The following HEATR4 variants were observed in gnomAD, a reference collection of about 807,000 sequenced individuals.
HEATR4 encodes the protein HEAT repeat-containing protein 4.
In HEATR4, 95 loss-of-function variants were observed where a neutral mutation model predicts 108.8. That is an observed-to-expected ratio of 0.87 (90% CI 0.74 to 1.04). HEATR4 has a LOEUF of 1.04. Among genes scored for constraint, HEATR4 ranks in the 50% least tolerant of loss-of-function variants. HEATR4 has a pLI of 0.00. For missense variants in HEATR4, 1,152 were observed against 1,253.8 expected (o/e 0.92, Z 1.23); for synonymous variants, 443 against 459.4 (o/e 0.96, Z 0.46).
Position 73,478,769 on chromosome 14 carries a change from C to G in HEATR4, c.2918G>C (p.Arg973Pro). 2 of 1,613,848 alleles carry G rather than the reference C, an allele frequency of 1.2e-6. No individual in the cohort carries two copies. The highest frequency in any genetic ancestry group is 2.2e-5 in the South Asian group (2 of 91,054). The part of the protein sequence containing the change: ...VPGLTTRSKV[R>P]SSLVKDLRTS... ...GCGTAGATCTTTGACAAGTGATGAA[C>G]GAACTTTGCTTCGTGTGGTTAGGCC... Residue 973 changes from arginine to proline, a missense_variant, in exon 18 of 18, where the codon CGT becomes CCT. Arg to Pro is a moderately radical substitution (Grantham distance 103, BLOSUM62 -2). Transcript: ENST00000553558.
At chr14:73,619,919 C>CTCTT in the HEATR4 span, 1 of 1,174,602 alleles carries the variant, frequency 8.5e-7, no homozygotes, top group Non-Finnish European at 1.1e-6. Flanking sequence ...TTTCTTTTCT[C>CTCTT]TTTTTTTTTT....
chr14:73,627,087 C>G, the HEATR4 span, among the ~76,000 whole-genome samples: 1 of 151,638 alleles, frequency 6.6e-6, no homozygotes, highest in South Asian at 2.1e-4. Flanking sequence ...CCACCATGCC[C>G]AGCCAAAACA....
the HEATR4 span, chr14:73,619,511 A>T: frequency 6.2e-7 from 1 of 1,614,222 alleles, no homozygotes; most frequent in Non-Finnish European, 8.5e-7. Flanking sequence ...CCATTGGAAA[A>T]GGCGCAGGTG....
the HEATR4 span, among the ~76,000 whole-genome samples, chr14:73,615,404 AAAACAAAAAAC>A: frequency 1.8e-4 from 14 of 79,394 alleles, 3 homozygotes; most frequent in Admixed American, 3.7e-4. Flanking sequence ...AAAAAAAAAA[AAAACAAAAAAC>A]AAAAAAAACC....
At position 73,547,627 on chromosome 14, in the gene HEATR4, G is replaced by A. The variant is rs561303411; in HGVS notation, c.-152+11124C>T. ...GGACCAGGCACAGTAGCTCACGCCT[G>A]TAATCCCATCACTTTGGGAGGCCAA... On this transcript the variant is annotated intron_variant, in intron 1 of 17. Coordinates refer to ENST00000553558, the MANE Select transcript of HEATR4 (RefSeq NM_001220484.1). Among the ~76,000 whole-genome samples the A allele has an allele frequency of 2.3e-4, 27 of 116,016 alleles. 7 individuals carry two copies. The highest frequency in any genetic ancestry group is 7.5e-4 in the African/African-American group (27 of 35,832). 76.1% of individuals were successfully genotyped at this position (116,016 alleles called of 152,430 possible). A position where few individuals can be genotyped will look rare whatever the true frequency, so the allele number is the denominator to read the frequency against.
chr14:73,626,779 GACAA>G, the HEATR4 span, among the ~76,000 whole-genome samples: 1 of 129,382 alleles, frequency 7.7e-6, no homozygotes, highest in African/African-American at 2.9e-5. Flanking sequence ...CTAAACAACA[GACAA>G]ACAGCCTTTT....
At chr14:73,527,355 T>C (rs1007910471) in intron 2 of HEATR4, 1 of 151,856 alleles carries the variant, frequency 6.6e-6, no homozygotes, top group Admixed American at 6.6e-5. Context: ...ATGTGACCTT[T>C]CCAGACAGGG....
At chr14:73,622,598 C>G in the HEATR4 span, among the ~76,000 whole-genome samples, 1 of 151,940 alleles carries the variant, frequency 6.6e-6, no homozygotes, top group Non-Finnish European at 1.5e-5. Context: ...AAGGGTTTCT[C>G]CATGTTGGTC....
the HEATR4 span, chr14:73,591,706 T>C: frequency 2.6e-6 from 1 of 390,890 alleles, no homozygotes; most frequent in Non-Finnish European, 4.5e-6. Context: ...ACGGGGTGGG[T>C]TGGGCGCCAC....
the HEATR4 span, among the ~76,000 whole-genome samples, chr14:73,608,361 C>A: frequency 6.6e-6 from 1 of 152,202 alleles, no homozygotes; most frequent in African/African-American, 2.4e-5. Context: ...CAAACTTCCA[C>A]AGATCTCTGG....
At chr14:73,616,260 A>C in the HEATR4 span, among the ~76,000 whole-genome samples, 1 of 151,846 alleles carries the variant, frequency 6.6e-6, no homozygotes, top group Non-Finnish European at 1.5e-5. Context: ...GAACCACCAC[A>C]CCTGGCCTCA....
At chr14:73,589,561 C>G in the HEATR4 span, among the ~76,000 whole-genome samples, 1 of 152,142 alleles carries the variant, frequency 6.6e-6, no homozygotes, top group Admixed American at 6.5e-5. Flanking sequence ...TCAAGCGATC[C>G]GCCCAACTCG....
the HEATR4 span, chr14:73,569,802 G>A: frequency 6.2e-7 from 1 of 1,602,974 alleles, no homozygotes; most frequent in Non-Finnish European, 8.5e-7. Flanking sequence ...GACGCGGCAC[G>A]AGCGCTACTT....
chr14:73,633,288 AGCCACTGCGG>A, the HEATR4 span, among the ~76,000 whole-genome samples: 1 of 152,146 alleles, frequency 6.6e-6, no homozygotes, highest in Non-Finnish European at 1.5e-5. Flanking sequence ...TACAGGCGTG[AGCCACTGCGG>A]GCTGTCCTGT....
intron 1 of HEATR4, among the ~76,000 whole-genome samples, chr14:73,530,794 A>ATTTTTTTTTTT (rs59208614): frequency 3.5e-5 from 2 of 57,788 alleles, no homozygotes; most frequent in African/African-American, 6.7e-5. Flanking sequence ...TCTCGGTTAA[A>ATTTTTTTTTTT]TTTTTTTTTT....
chr14:73,522,382 C>A lies in HEATR4; in HGVS notation c.771G>T (p.Glu257Asp), dbSNP rs1888027388. The A allele has an allele frequency of 6.2e-7, 1 of 1,614,136 alleles. No homozygotes were observed. The highest frequency in any genetic ancestry group is 1.1e-5 in the South Asian group (1 of 91,090). ...RDELTSASDL[E>D]LLKQLEAEET... is the part of the protein sequence containing the mutation. ...CTTCTGCCTCCAGCTGTTTCAGGAG[C>A]TCCAGGTCACTGGCAGAGGTAAGCT... Residue 257 changes from glutamate (E) to aspartate (D), a missense_variant, in exon 3 of 18, where the codon GAG (glutamate) becomes GAT (aspartate). Coordinates refer to ENST00000553558, the MANE Select transcript of HEATR4 (RefSeq NM_001220484.1).
At position 73,547,868 on chromosome 14, in the gene HEATR4, AGAGT is replaced by A. The variant is rs1245033635; in HGVS notation, c.-152+10879_-152+10882del. 1.7e-5 allele frequency among the ~76,000 whole-genome samples: 2 copies of A among 115,472 alleles called. 1 individual carries two copies. The highest frequency in any genetic ancestry group is 3.8e-5 in the Non-Finnish European group (2 of 52,912). The allele number at this position is 115,472 out of a possible 152,430, so 75.8% of individuals were successfully genotyped here. Reference sequence around the variant, plus strand: ...GTTACTGCACTCCAGCCTGGACAACAGAGTGAGACCCTGTCTCAAAAAATAAAAT... The same window carrying A: ...GTTACTGCACTCCAGCCTGGACAACAGAGACCCTGTCTCAAAAAATAAAAT... On this transcript the variant is annotated intron_variant, in intron 1 of 17. Transcript: ENST00000553558.
intron 4 of HEATR4, among the ~76,000 whole-genome samples, chr14:73,519,803 G>A: frequency 6.6e-6 from 1 of 152,178 alleles, no homozygotes; most frequent in African/African-American, 2.4e-5. Context: ...GGATCACAAG[G>A]TCAAGAGATT....
At chr14:73,601,501 T>C in the HEATR4 span, among the ~76,000 whole-genome samples, 5 of 152,154 alleles carry the variant, frequency 3.3e-5, no homozygotes, top group Admixed American at 1.3e-4. Context: ...GAGGCGGAGA[T>C]TGCAGTGAGC....
Sources: allele counts gnomAD v4.1 joint callset (sites outside exome capture counted in the v4.1 genomes callset), GRCh38; gene constraint gnomAD v4.1.1; transcripts MANE v1.5; gene names NCBI Gene and HGNC (gene_info 2026-07-23, HGNC 2026-07-21).